Variants in ZNF444 observed in about 807,000 individuals in gnomAD.
ZNF444 encodes the protein zinc finger protein 444.
ZNF444 carries 8 observed loss-of-function variants against 14.4 expected under a neutral mutation model. The ratio of observed to expected loss-of-function variants is 0.56; its 90% CI spans 0.33 to 1.00. ZNF444 has a LOEUF of 1.00. Among genes scored for constraint, ZNF444 ranks in the 50% least tolerant of loss-of-function variants. The probability of loss-of-function intolerance (pLI) is 0.03; values close to 1 mark genes in which losing one functional copy is unlikely to be tolerated. For missense variants in ZNF444, 510 were observed against 504.8 expected, an observed-to-expected ratio of 1.01 and a Z score of -0.10; for synonymous variants, 258 against 235.9, an observed-to-expected ratio of 1.09 and a Z score of -0.86.
chr19:56,147,121 C>A lies in ZNF444; in HGVS notation c.210C>A (p.Ser70Arg). ...LELLVLEQFL[S>R]ALPADTQAWV... ...TGCTGGTGCTGGAACAGTTCCTGAGCGCGCTGCCCGCCGACACGCAGGCCT... is the reference window on the plus strand; with the variant it reads ...TGCTGGTGCTGGAACAGTTCCTGAGAGCGCTGCCCGCCGACACGCAGGCCT... The change falls in exon 3 of 5, where the codon AGC (serine) becomes AGA (arginine). Residue 70 changes from serine (S) to arginine (R), a missense_variant. By Grantham distance (110) the Ser-to-Arg change is moderately radical (BLOSUM62 -1). Coordinates refer to ENST00000337080, the MANE Select transcript of ZNF444 (RefSeq NM_018337.4). This position sits in a 1 kb window ranked among gnomAD's most constrained non-coding sequence, Gnocchi z 5.9. The A allele has an allele frequency of 1.3e-6, 2 of 1,569,032 alleles. No individual in the cohort carries two copies. Among genetic ancestry groups the A allele is most frequent in the Non-Finnish European group, 8.6e-7 (1 of 1,162,098 alleles).
intron 2 of ZNF444, among the ~76,000 whole-genome samples, chr19:56,146,625 A>G (rs1272628749): frequency 1.3e-5 from 2 of 152,116 alleles, no homozygotes; most frequent in African/African-American, 4.8e-5. Context: ...CCCCATCTCT[A>G]CTAAAAATAT....
rs373945509 is a variant in ZNF444 at position 56,147,753 on chromosome 19, C to G, written c.297+545C>G. On this transcript the variant is annotated intron_variant, in intron 3 of 4. Coordinates refer to ENST00000337080, the MANE Select transcript of ZNF444 (RefSeq NM_018337.4). This position sits in a 1 kb window ranked among gnomAD's most constrained non-coding sequence, Gnocchi z 5.9. ...TGCTTTTGGGCTGGCCTGAGTCCCC[C>G]GGGGCAGGCAGACCCTCCTTATCAT... Among the ~76,000 whole-genome samples the G allele has an allele frequency of 1.2e-4, 18 of 152,044 alleles. No individual in the cohort carries two copies. The East Asian group carries it at 1.4e-3, about 11-fold the overall frequency.
At chr19:56,134,045 T>TC (rs1185851605) in intron 1 of ZNF444, among the ~76,000 whole-genome samples, 5 of 151,458 alleles carry the variant, frequency 3.3e-5, no homozygotes, top group African/African-American at 4.9e-5. Flanking sequence ...CCATACGCCA[T>TC]CCCCCCTTCT....
At chr19:56,148,101 T>TA (rs1374017873) in intron 3 of ZNF444, among the ~76,000 whole-genome samples, 1 of 152,140 alleles carries the variant, frequency 6.6e-6, no homozygotes, top group Non-Finnish European at 1.5e-5. Flanking sequence ...GTCAGCACGT[T>TA]AAAAAAAGGC....
At chr19:56,158,461 G>A (rs372681230) in intron 3 of ZNF444, 33 bp from the exon 4 acceptor site, 1 of 1,575,050 alleles carries the variant, frequency 6.3e-7, no homozygotes, top group African/African-American at 1.4e-5. Flanking sequence ...CCTTGCTCAG[G>A]TTTCTGAGTT....
At chr19:56,151,893 G>C (rs966777757) in intron 3 of ZNF444, 1 of 456,644 alleles carries the variant, frequency 2.2e-6, no homozygotes, top group South Asian at 1.6e-5. Flanking sequence ...CGCTACTGTG[G>C]ATTGGGGTTT....
chr19:56,160,535 C>G lies in ZNF444; in HGVS notation c.*334C>G. ...CAGCCTCCCTCTCCCTCCTCCATTC[C>G]TCTCTCCCTGCCCTTTTCCTGCCTG... is the stretch of plus-strand genomic sequence containing the variant. On this transcript the variant is annotated 3_prime_UTR_variant, in exon 5 of 5. Coordinates refer to ENST00000337080, the MANE Select transcript of ZNF444 (RefSeq NM_018337.4). 3.1e-6 allele frequency: 1 copy of G among 317,992 alleles called. No individual in the cohort carries two copies. Among genetic ancestry groups the G allele is most frequent in the South Asian group, 7.7e-5 (1 of 13,038 alleles). 19.7% of individuals were successfully genotyped at this position (317,992 alleles called of 1,614,324 possible).
chr19:56,154,714 C>A (rs1452282427), intron 3 of ZNF444: 1 of 152,026 alleles, frequency 6.6e-6, no homozygotes, highest in Non-Finnish European at 1.5e-5. Flanking sequence ...GACCTATGTG[C>A]TGGGGCAGGT....
intron 3 of ZNF444, among the ~76,000 whole-genome samples, chr19:56,152,914 A>G (rs979396468): frequency 2.6e-5 from 4 of 152,160 alleles, no homozygotes; most frequent in African/African-American, 7.2e-5. Flanking sequence ...GGATTTCAAC[A>G]TAGAATTTGA....
rs1350125161 is a variant in ZNF444 at position 56,147,331 on chromosome 19, T to C, written c.297+123T>C. ...CCAGTGTGACTCGCGGTGGGGAGGC[T>C]GCGGTACAGGCTGCGGTACAGCGTG... is the stretch of plus-strand genomic sequence containing the variant. On this transcript the variant is annotated intron_variant, in intron 3 of 4. Transcript: ENST00000337080. This position sits in a 1 kb window ranked among gnomAD's most constrained non-coding sequence, Gnocchi z 5.9. 9.5e-6 allele frequency: 11 copies of C among 1,160,612 alleles called. No individual in the cohort carries two copies. Among genetic ancestry groups the C allele is most frequent in the Non-Finnish European group, 1.3e-5 (11 of 878,852 alleles). 71.9% of individuals were successfully genotyped at this position (1,160,612 alleles called of 1,614,324 possible). A position where few individuals can be genotyped will look rare whatever the true frequency, so the allele number is the denominator to read the frequency against.
intron 3 of ZNF444, chr19:56,155,986 G>A (rs1234673988): frequency 1.3e-5 from 2 of 152,216 alleles, no homozygotes; most frequent in East Asian, 3.8e-4. Flanking sequence ...TATTTCATCT[G>A]TGCTTCCAAC....
chr19:56,160,221 A>G lies in ZNF444; in HGVS notation c.*20A>G. The G allele has an allele frequency of 1.4e-6, 2 of 1,419,826 alleles. No homozygotes were observed. The highest frequency in any genetic ancestry group is 1.8e-6 in the Non-Finnish European group (2 of 1,099,174). The allele number at this position is 1,419,826 out of a possible 1,614,324, so 88.0% of individuals were successfully genotyped here. ...GGTTAGCCGCCTCCCGGCCAGCGCC[A>G]TCTCCCGCCCTTGGTGCTGCCCCCG... On this transcript the variant is annotated 3_prime_UTR_variant, in exon 5 of 5. Transcript: ENST00000337080.
At chr19:56,152,024 C>T (rs901312888) in intron 3 of ZNF444, 8 of 409,488 alleles carry the variant, frequency 2.0e-5, no homozygotes, top group South Asian at 1.2e-4. Flanking sequence ...GTAGAGCTCA[C>T]CTGGAAACTT....
intron 3 of ZNF444, chr19:56,157,968 A>G (rs1397428102): frequency 6.6e-6 from 1 of 152,128 alleles, no homozygotes; most frequent in Admixed American, 6.6e-5. Context: ...GCTGTTTCAC[A>G]CCAAGAAAAG....
intron 4 of ZNF444, 49 bp downstream of exon 4, chr19:56,158,651 G>A: frequency 2.0e-6 from 3 of 1,498,872 alleles, no homozygotes; most frequent in Non-Finnish European, 2.7e-6. Context: ...CAGCACCGGG[G>A]AGGGGGTTCA....
Position 56,159,727 on chromosome 19 carries a change from C to A in ZNF444, c.510C>A (p.Pro170=). The change falls in exon 5 of 5, where the codon CCC becomes CCA. Residue 170 remains proline (P), a synonymous_variant. Coordinates refer to ENST00000337080, the MANE Select transcript of ZNF444 (RefSeq NM_018337.4). ...GCCCCCCGCTGGCGCCTGGCCTGCC[C>A]GCCTTCCTAGCGGCCCCGGGCACCA... is the stretch of plus-strand genomic sequence containing the variant. The part of the protein sequence containing the change: ...PSSPPLAPGL[P]AFLAAPGTTS... 1 of 1,572,866 alleles carries A rather than the reference C, an allele frequency of 6.4e-7. No individual in the cohort carries two copies. Among genetic ancestry groups the A allele is most frequent in the East Asian group, 2.3e-5 (1 of 42,910 alleles).
At chr19:56,159,289 T>G (rs1213747529) in intron 4 of ZNF444, among the ~76,000 whole-genome samples, 1 of 150,768 alleles carries the variant, frequency 6.6e-6, no homozygotes, top group East Asian at 2.0e-4. Context: ...ACCCACGCAT[T>G]CTTCATCTAC....
intron 1 of ZNF444, among the ~76,000 whole-genome samples, chr19:56,136,268 G>T (rs1285159327): frequency 6.6e-6 from 1 of 152,032 alleles, no homozygotes; most frequent in South Asian, 2.1e-4. Flanking sequence ...TGGGTTTGGA[G>T]CCCTGCCCTC....
At position 56,147,138 on chromosome 19, in the gene ZNF444, C is replaced by T. The variant is rs1440260567; in HGVS notation, c.227C>T (p.Thr76Met). 4 of 1,547,052 alleles carry T rather than the reference C, an allele frequency of 2.6e-6. No homozygotes were observed. The highest frequency in any genetic ancestry group is 3.9e-5 in the Admixed American group (2 of 50,958). ...TTCCTGAGCGCGCTGCCCGCCGACA[C>T]GCAGGCCTGGGTGTGCAGCCGGCAG... The part of the protein sequence containing the change: ...EQFLSALPAD[T>M]QAWVCSRQPQ... Residue 76 changes from threonine (T) to methionine (M), a missense_variant, in exon 3 of 5, where the codon ACG (threonine) becomes ATG (methionine). Coordinates refer to ENST00000337080, the MANE Select transcript of ZNF444 (RefSeq NM_018337.4). This position sits in a 1 kb window ranked among gnomAD's most constrained non-coding sequence, Gnocchi z 5.9.
Sources: gnomAD v4.1 joint callset for allele counts (sites outside exome capture counted in the v4.1 genomes callset) on GRCh38, gnomAD v4.1.1 for gene constraint, Gnocchi (gnomAD v3.1) non-coding constraint, MANE v1.5 for transcripts, NCBI Gene and HGNC (gene_info 2026-07-23, HGNC 2026-07-21) for gene names.